Variants in SP140 observed in about 807,000 individuals in gnomAD.
SP140 encodes nuclear body protein SP140.
In SP140, 81 loss-of-function variants were observed where a neutral mutation model predicts 125.0. That is an observed-to-expected ratio of 0.65 (90% confidence interval 0.54 to 0.78). SP140 has a LOEUF of 0.78. Among genes scored for constraint, SP140 ranks in the 30% least tolerant of loss-of-function variants. The probability of loss-of-function intolerance (pLI) is 0.00; values close to 1 mark genes in which losing one functional copy is unlikely to be tolerated. For missense variants in SP140, 858 were observed against 1,037.0 expected (o/e 0.83, Z 2.37); for synonymous variants, 312 against 354.0 (o/e 0.88, Z 1.33).
downstream of SP140, among the ~76,000 whole-genome samples, chr2:230,313,744 T>A (rs2059459592): frequency 6.6e-6 from 1 of 152,184 alleles, no homozygotes; most frequent in Non-Finnish European, 1.5e-5. Flanking sequence ...TCTAGCCCAA[T>A]GGTGCTGGGC....
In SP140 at chr2:230,284,421, C is replaced by G. The variant is rs1302406288; in HGVS notation, c.1564+10C>G. 3.1e-6 allele frequency: 5 copies of G among 1,603,756 alleles called. No individual in the cohort carries two copies. The Admixed American group carries it at 8.5e-5, about 27-fold the overall frequency. On this transcript the variant is annotated intron_variant, in intron 16 of 26. Coordinates refer to ENST00000392045, the MANE Select transcript of SP140 (RefSeq NM_007237.5). ...AACAGCCAACAAAATGGTAAGCAGG[C>G]AAAGTGAAGTAGTTACAGCTTTTGA...
intron 1 of SP140, among the ~76,000 whole-genome samples, chr2:230,234,409 A>C (rs1454605146): frequency 6.6e-6 from 1 of 152,242 alleles, no homozygotes; most frequent in African/African-American, 2.4e-5. Context: ...ACATTGAAAA[A>C]TGTGTGACCA....
intron 3 of SP140, among the ~76,000 whole-genome samples, chr2:230,240,360 T>G (rs775607812): frequency 1.3e-5 from 2 of 152,014 alleles, no homozygotes; most frequent in Non-Finnish European, 2.9e-5. Flanking sequence ...AAGTCACCAT[T>G]AAGAAAAGGA....
chr2:230,253,485 C>T (rs546242961), intron 11 of SP140, 68 bp downstream of exon 11: 24 of 1,166,704 alleles, frequency 2.1e-5, no homozygotes, highest in Admixed American at 5.1e-5. Flanking sequence ...GGGAAAAAAG[C>T]TTCCCTTTCT....
rs184007514 is a variant in SP140, at chr2:230,304,570, C to T, written c.2059-5354C>T. ...TGAGAATATACCAGTACACATAGAC[C>T]AATGGAACAGAAGAAAGGACCCAGA... On this transcript the variant is annotated intron_variant, in intron 22 of 26. Coordinates refer to ENST00000392045, the MANE Select transcript of SP140 (RefSeq NM_007237.5). Among the ~76,000 whole-genome samples, 167 of 152,194 alleles carry T rather than the reference C, an allele frequency of 1.1e-3. 2 individuals carry two copies. Among genetic ancestry groups the T allele is most frequent in the African/African-American group, 3.9e-3 (160 of 41,524 alleles).
At position 230,248,916 on chromosome 2, in the gene SP140, T is replaced by A; in HGVS notation, c.924T>A (p.Thr308=). 6.2e-7 allele frequency: 1 copy of A among 1,612,772 alleles called. No individual in the cohort carries two copies. Among genetic ancestry groups the A allele is most frequent in the Non-Finnish European group, 8.5e-7 (1 of 1,178,848 alleles). Residue 308 remains threonine (T), a synonymous_variant, in exon 9 of 27, where the codon ACT becomes ACA. Coordinates refer to ENST00000392045, the MANE Select transcript of SP140 (RefSeq NM_007237.5). Reference sequence around the variant, plus strand: ...TTGATCTAAAAACTCCCCAAGTCACTAATGAAGGAGAACCAGAGAAGGGGC... The same window carrying A: ...TTGATCTAAAAACTCCCCAAGTCACAAATGAAGGAGAACCAGAGAAGGGGC... ...ETFDLKTPQV[T]NEGEPEKGLC...
intron 15 of SP140, among the ~76,000 whole-genome samples, chr2:230,275,403 A>G (rs936089111): frequency 3.3e-5 from 5 of 152,024 alleles, no homozygotes; most frequent in Non-Finnish European, 7.4e-5. Context: ...AAATTTTATT[A>G]TTATTCTTCT....
chr2:230,284,231 C>A, intron 15 of SP140, 115 bp from the exon 16 acceptor site: 1 of 981,770 alleles, frequency 1.0e-6, no homozygotes, highest in Non-Finnish European at 1.5e-6. Flanking sequence ...AAGTATTTTG[C>A]CCCATTCCTG....
At chr2:230,223,588 G>C (rs1185480489), upstream of SP140, among the ~76,000 whole-genome samples, 1 of 152,194 alleles carries the variant, frequency 6.6e-6, no homozygotes, top group Non-Finnish European at 1.5e-5. Flanking sequence ...ACCAGAGGTT[G>C]AATTATAGGC....
intron 3 of SP140, chr2:230,220,006 G>T: frequency 6.1e-6 from 6 of 985,624 alleles, no homozygotes; most frequent in Non-Finnish European, 6.0e-6. Context: ...CGCAGTAAGG[G>T]GCCGGGCTTC....
chr2:230,255,564 G>C (rs775896706), intron 12 of SP140, 32 bp downstream of exon 12: 1 of 1,601,070 alleles, frequency 6.2e-7, no homozygotes, highest in East Asian at 2.2e-5. Flanking sequence ...TCTGGCCCTG[G>C]GCTGCAGAGT....
downstream of SP140, among the ~76,000 whole-genome samples, chr2:230,314,306 G>C (rs141306969): frequency 6.6e-6 from 1 of 152,102 alleles, no homozygotes; most frequent in Non-Finnish European, 1.5e-5. Flanking sequence ...GACCGCTCAG[G>C]ACAATGCAAG....
At chr2:230,292,990 G>A (rs1226324044) in intron 20 of SP140, among the ~76,000 whole-genome samples, 1 of 152,206 alleles carries the variant, frequency 6.6e-6, no homozygotes, top group South Asian at 2.1e-4. Context: ...GGCTCCGTCA[G>A]GATAGACTCA....
rs2059692 is a variant in SP140, at chr2:230,287,768, C to T, written c.1646-124C>T. 82 of 751,958 alleles carry T rather than the reference C, an allele frequency of 1.1e-4. No homozygotes were observed. In the East Asian group the frequency reaches 2.2e-3, roughly 21 times the overall value. The allele number at this position is 751,958 out of a possible 1,614,324, so 46.6% of individuals were successfully genotyped here. On this transcript the variant is annotated intron_variant, in intron 17 of 26. Transcript: ENST00000392045. Reference sequence around the variant, plus strand: ...ATACCTTAAAGGCTAGGGTTTAAATCTTTTTATTTATACATTAAACAGGCT... The same window carrying T: ...ATACCTTAAAGGCTAGGGTTTAAATTTTTTTATTTATACATTAAACAGGCT...
intron 16 of SP140, 136 bp downstream of exon 16, chr2:230,284,547 G>A (rs1171841642): frequency 1.5e-6 from 1 of 655,410 alleles, no homozygotes; most frequent in East Asian, 3.2e-5. Flanking sequence ...CTAACAGGCT[G>A]TGACAAAGAG....
chr2:230,213,167 T>C (rs1033913506), intron 1 of SP140: 25 of 807,976 alleles, frequency 3.1e-5, no homozygotes, highest in African/African-American at 2.9e-4. Context: ...AACTGATTCA[T>C]TGTCATCATT....
intron 5 of SP140, 150 bp from the exon 6 acceptor site, chr2:230,244,838 G>T: frequency 1.8e-6 from 1 of 542,996 alleles, no homozygotes; most frequent in Non-Finnish European, 3.3e-6. Context: ...AGGAAAACAG[G>T]CAGAGCAAGG....
At chr2:230,266,374 G>A (rs1213994578) in intron 12 of SP140, among the ~76,000 whole-genome samples, 1 of 152,174 alleles carries the variant, frequency 6.6e-6, no homozygotes, top group African/African-American at 2.4e-5. Context: ...TAATAGAGGT[G>A]ACCTATGCAT....
chr2:230,309,097 T>C (rs1035983862), intron 22 of SP140, among the ~76,000 whole-genome samples: 1 of 152,224 alleles, frequency 6.6e-6, no homozygotes, highest in African/African-American at 2.4e-5. Flanking sequence ...TAAATCTGGC[T>C]AAAGGTGTCA....
Sources: gnomAD v4.1 joint callset for allele counts (sites outside exome capture counted in the v4.1 genomes callset) on GRCh38, gnomAD v4.1.1 for gene constraint, MANE v1.5 for transcripts, NCBI Gene and HGNC (gene_info 2026-07-23, HGNC 2026-07-21) for gene names.